ZFPM2: variants seen among roughly 807,000 people sequenced by gnomAD.
ZFPM2 encodes the protein zinc finger protein, FOG family member 2.
Under a neutral mutation model 98.6 loss-of-function variants are expected in ZFPM2, and 20 were observed. The ratio of observed to expected loss-of-function variants is 0.20; its 90% CI spans 0.14 to 0.29. The LOEUF (loss-of-function observed/expected upper bound fraction) is 0.29. ZFPM2 is among the 10% of genes least tolerant of loss of function. ZFPM2 has a pLI of 1.00. For synonymous variants in ZFPM2, 518 were observed against 502.7 expected (o/e 1.03, Z -0.41); for missense variants, 1,310 against 1,388.6 (o/e 0.94, Z 0.90).
At chr8:105,515,722 C>T (rs1468794028) in intron 3 of ZFPM2, among the ~76,000 whole-genome samples, 7 of 151,006 alleles carry the variant, frequency 4.6e-5, no homozygotes, top group Non-Finnish European at 1.0e-4. Context: ...AGGCTCTGCC[C>T]TACTTTGGGC....
rs188658345 is a variant in ZFPM2 at position 105,672,021 on chromosome 8, A to G, written c.532+37664A>G. Among the ~76,000 whole-genome samples, 13 of 152,286 alleles carry G rather than the reference A, an allele frequency of 8.5e-5. No individual in the cohort carries two copies. In the South Asian group the frequency reaches 2.3e-3, roughly 27 times the overall value. On this transcript the variant is annotated intron_variant, in intron 5 of 7. Transcript: ENST00000407775. The stretch of plus-strand genomic sequence containing the variant: ...AAACATTAACTAATTTTTACTTTTC[A>G]GTAGAATGAAATGTTTCCCAAACTG...
rs534255746 is a variant in ZFPM2, at chr8:105,792,863, C to A, written c.739+3939C>A. The stretch of plus-strand genomic sequence containing the variant: ...AATGGCCTTCTTTGTCTCTTTTGAT[C>A]TTTGTTGGTTTAAAGTCTGTTTTAT... On this transcript the variant is annotated intron_variant, in intron 6 of 7. Transcript: ENST00000407775. Among the ~76,000 whole-genome samples, 328 of 152,234 alleles carry A rather than the reference C, an allele frequency of 2.2e-3. 1 individual carries two copies. The highest frequency in any genetic ancestry group is 7.2e-3 in the African/African-American group (300 of 41,548).
intron 4 of ZFPM2, among the ~76,000 whole-genome samples, chr8:105,632,687 A>G (rs1195415568): frequency 1.3e-5 from 2 of 152,204 alleles, no homozygotes; most frequent in Non-Finnish European, 2.9e-5. Context: ...TTTTGTCTAT[A>G]TTGTTAAAAT....
chr8:105,706,094 A>G (rs1463244183), intron 5 of ZFPM2, among the ~76,000 whole-genome samples: 2 of 152,172 alleles, frequency 1.3e-5, no homozygotes, highest in African/African-American at 2.4e-5. Flanking sequence ...TTGATGAAGG[A>G]GCTAAGTCTT....
In ZFPM2 at chr8:105,803,771, TGTTA is replaced by T; in HGVS notation, c.*234_*237del. On this transcript the variant is annotated 3_prime_UTR_variant, in exon 8 of 8. Coordinates refer to ENST00000407775, the MANE Select transcript of ZFPM2 (RefSeq NM_012082.4). ...CCAGCAGTATTCATAGCTGTGGTTA[TGTTA>T]TTTTTTATTTAAAAACTTTATATTA... 2.8e-6 allele frequency: 1 copy of T among 357,506 alleles called. No individual in the cohort carries two copies. Among genetic ancestry groups the T allele is most frequent in the Non-Finnish European group, 4.7e-6 (1 of 211,364 alleles). The allele number at this position is 357,506 out of a possible 1,614,324, so 22.1% of individuals were successfully genotyped here.
At chr8:105,462,279 C>T (rs776532438) in intron 3 of ZFPM2, among the ~76,000 whole-genome samples, 1 of 152,064 alleles carries the variant, frequency 6.6e-6, no homozygotes, top group Non-Finnish European at 1.5e-5. Context: ...ACCTTGGCTC[C>T]AGTCCCAATA....
Position 105,802,417 on chromosome 8 carries a change from G to A in ZFPM2, c.2335G>A (p.Gly779Arg), listed in dbSNP as rs376994109. ...PCTSTQEPTE[G>R]LGECYHPRCD... Reference sequence around the variant, plus strand: ...TACCTCCACTCAAGAACCCACAGAAGGGCTAGGAGAGTGCTACCACCCAAG... The same window carrying A: ...TACCTCCACTCAAGAACCCACAGAAAGGCTAGGAGAGTGCTACCACCCAAG... Residue 779 changes from glycine to arginine, a missense_variant, in exon 8 of 8, where the codon GGG becomes AGG. Gly to Arg is a moderately radical substitution (Grantham distance 125, BLOSUM62 -2). Coordinates refer to ENST00000407775, the MANE Select transcript of ZFPM2 (RefSeq NM_012082.4). 3.1e-6 allele frequency: 5 copies of A among 1,613,762 alleles called. No individual in the cohort carries two copies. Among genetic ancestry groups the A allele is most frequent in the Non-Finnish European group, 4.2e-6 (5 of 1,179,862 alleles).
intron 2 of ZFPM2, among the ~76,000 whole-genome samples, chr8:105,435,515 C>T (rs575454499): frequency 6.6e-6 from 1 of 152,188 alleles, no homozygotes; most frequent in Non-Finnish European, 1.5e-5. Context: ...CATCTTTTTT[C>T]TGTCTTCCTT....
At chr8:105,474,487 A>G (rs974514276) in intron 3 of ZFPM2, among the ~76,000 whole-genome samples, 5 of 152,206 alleles carry the variant, frequency 3.3e-5, no homozygotes, top group Admixed American at 6.5e-5. Flanking sequence ...GCAAACATCA[A>G]AAGATTTGTG....
intron 1 of ZFPM2, among the ~76,000 whole-genome samples, chr8:105,330,577 T>C (rs1370843913): frequency 3.0e-5 from 3 of 101,322 alleles, no homozygotes; most frequent in East Asian, 2.4e-4. Context: ...TACATATATA[T>C]ATACATATAT....
At chr8:105,522,043 G>T (rs1814075148) in intron 3 of ZFPM2, among the ~76,000 whole-genome samples, 1 of 152,184 alleles carries the variant, frequency 6.6e-6, no homozygotes, top group Admixed American at 6.5e-5. Context: ...TTTCATGCAT[G>T]TGTAAGTATT....
intron 5 of ZFPM2, among the ~76,000 whole-genome samples, chr8:105,679,810 AAAAG>A (rs1189737975): frequency 2.0e-5 from 3 of 151,868 alleles, no homozygotes; most frequent in Non-Finnish European, 4.4e-5. Flanking sequence ...AAAAAAAAAA[AAAAG>A]AAAGCAATAT....
chr8:105,728,261 G>C (rs1445780108), intron 5 of ZFPM2, among the ~76,000 whole-genome samples: 1 of 151,544 alleles, frequency 6.6e-6, no homozygotes, highest in Non-Finnish European at 1.5e-5. Context: ...TTTATTTCCA[G>C]TGGTTCAAGA....
chr8:105,429,385 A>G (rs1563654463), intron 2 of ZFPM2, among the ~76,000 whole-genome samples: 3 of 151,654 alleles, frequency 2.0e-5, no homozygotes, highest in Admixed American at 2.0e-4. Flanking sequence ...TTAAAGATAC[A>G]GTGACCTAAG....
chr8:105,800,998 A>G (rs1280131997), intron 7 of ZFPM2, 49 bp from the exon 8 acceptor site: 1 of 1,539,866 alleles, frequency 6.5e-7, no homozygotes, highest in Non-Finnish European at 8.8e-7. Context: ...TGTCATTCAA[A>G]AACCAACACA....
At chr8:105,631,673 C>T (rs769553213) in intron 4 of ZFPM2, among the ~76,000 whole-genome samples, 3 of 152,116 alleles carry the variant, frequency 2.0e-5, no homozygotes, top group Non-Finnish European at 4.4e-5. Context: ...TTATATTAAA[C>T]ATTTTTATTG....
At chr8:105,595,574 A>G (rs2130773558) in intron 4 of ZFPM2, among the ~76,000 whole-genome samples, 1 of 152,280 alleles carries the variant, frequency 6.6e-6, no homozygotes, top group East Asian at 1.9e-4. Context: ...AATAATATAT[A>G]CAAAGTCATG....
intron 7 of ZFPM2, among the ~76,000 whole-genome samples, chr8:105,799,980 G>GCTAT (rs1487469484): frequency 1.3e-5 from 2 of 152,080 alleles, no homozygotes; most frequent in Non-Finnish European, 2.9e-5. Flanking sequence ...TTACAAATGA[G>GCTAT]CTATCTTCAT....
At chr8:105,537,606 C>T (rs1159865846) in intron 3 of ZFPM2, among the ~76,000 whole-genome samples, 1 of 152,146 alleles carries the variant, frequency 6.6e-6, no homozygotes, top group Non-Finnish European at 1.5e-5. Context: ...TTCCTGAACC[C>T]AGGGGTTTGA....
Sources: allele counts gnomAD v4.1 joint callset (sites outside exome capture counted in the v4.1 genomes callset), GRCh38; gene constraint gnomAD v4.1.1; transcripts MANE v1.5; gene names NCBI Gene and HGNC (gene_info 2026-07-23, HGNC 2026-07-21).